ZNF778: variants seen among roughly 807,000 people sequenced by gnomAD.
The protein encoded by ZNF778 is zinc finger protein 778.
In ZNF778, 37 loss-of-function variants were observed where a neutral mutation model predicts 23.9. The observed-to-expected ratio is 1.54, with a 90% CI of 1.19 to 2.03. ZNF778 has a LOEUF of 2.03. Ranked by LOEUF, ZNF778 falls within the 30% of genes most tolerant of loss-of-function variation. ZNF778 has a pLI of 0.00. For synonymous variants in ZNF778, 483 were observed against 343.9 expected (o/e 1.40, Z -4.48); for missense variants, 1,297 against 934.4 (o/e 1.39, Z -5.06).
rs759389228 is a variant in ZNF778, at chr16:89,233,882, TCTC to T, written c.*5325_*5327del. 2 of 1,289,652 alleles carry T rather than the reference TCTC, an allele frequency of 1.6e-6. No individual in the cohort carries two copies. Among genetic ancestry groups the T allele is most frequent in the South Asian group, 1.2e-5 (1 of 81,042 alleles). The allele number at this position is 1,289,652 out of a possible 1,614,324, so 79.9% of individuals were successfully genotyped here. A position where few individuals can be genotyped will look rare whatever the true frequency, so the allele number is the denominator to read the frequency against. On this transcript the variant is annotated 3_prime_UTR_variant, in exon 7 of 7. Transcript: ENST00000433976. Reference sequence around the variant, plus strand: ...CTAACTACCACACCAAGCCAGTATTTCTCCTCCCTGAAGTCAGCCCAGGATGAG... The same window carrying T: ...CTAACTACCACACCAAGCCAGTATTTCTCCCTGAAGTCAGCCCAGGATGAG...
At position 89,236,534 on chromosome 16, in the gene ZNF778, A is replaced by C. The variant is rs1020074140; in HGVS notation, c.*7972A>C. The stretch of plus-strand genomic sequence containing the variant: ...TGGAACAAAGGAAAAGCAATAGAAG[A>C]GTAAATACCTGAGTAAATAGATCAG... On this transcript the variant is annotated 3_prime_UTR_variant, in exon 7 of 7. Coordinates refer to ENST00000433976, the MANE Select transcript of ZNF778 (RefSeq NM_001201407.2). 6.6e-6 allele frequency: 1 copy of C among 152,238 alleles called. No individual in the cohort carries two copies. Among genetic ancestry groups the C allele is most frequent in the Non-Finnish European group, 1.5e-5 (1 of 68,042 alleles). 9.4% of individuals were successfully genotyped at this position (152,238 alleles called of 1,614,324 possible). A position where few individuals can be genotyped will look rare whatever the true frequency, so the allele number is the denominator to read the frequency against.
chr16:89,228,329 G>A lies in ZNF778; in HGVS notation c.2041G>A (p.Ala681Thr), dbSNP rs1395550700. 4.3e-6 allele frequency: 7 copies of A among 1,613,642 alleles called. No homozygotes were observed. In the African/African-American group the frequency reaches 8.0e-5, roughly 18 times the overall value. ...TTACATATGTAACGAGTGTGGGAAA[G>A]CCTTCCGTGCCTCCTCTCACCTGCA... is the stretch of plus-strand genomic sequence containing the variant. ...KPYICNECGK[A>T]FRASSHLHKH... Residue 681 changes from alanine (A) to threonine (T), a missense_variant, in exon 7 of 7, where the codon GCC becomes ACC. Coordinates refer to ENST00000433976, the MANE Select transcript of ZNF778 (RefSeq NM_001201407.2).
rs531492686 is a variant in ZNF778 at position 89,232,608 on chromosome 16, G to A, written c.*4046G>A. ...AATGTCTGAGGGTTCCTCAGAGTAA[G>A]ATAAAATATTAAAGGACCAATTGTA... is the stretch of plus-strand genomic sequence containing the variant. On this transcript the variant is annotated 3_prime_UTR_variant, in exon 7 of 7. Coordinates refer to ENST00000433976, the MANE Select transcript of ZNF778 (RefSeq NM_001201407.2). The A allele has an allele frequency of 2.5e-5, 30 of 1,193,196 alleles. No individual in the cohort carries two copies. The African/African-American group carries it at 4.2e-4, about 17-fold the overall frequency. The allele number at this position is 1,193,196 out of a possible 1,614,324, so 73.9% of individuals were successfully genotyped here.
At chr16:89,221,856 CTG>C (rs371607531) in intron 2 of ZNF778, among the ~76,000 whole-genome samples, 33 of 139,090 alleles carry the variant, frequency 2.4e-4, no homozygotes, top group East Asian at 4.3e-4. Context: ...AAGTGTATGG[CTG>C]TGTGTGTGTG....
chr16:89,227,133 T>A lies in ZNF778; in HGVS notation c.845T>A (p.Val282Glu). 1.2e-6 allele frequency: 2 copies of A among 1,614,014 alleles called. No homozygotes were observed. Among genetic ancestry groups the A allele is most frequent in the Non-Finnish European group, 1.7e-6 (2 of 1,179,906 alleles). Residue 282 changes from valine to glutamate, a missense_variant, in exon 7 of 7, where the codon GTA (valine) becomes GAA (glutamate). By Grantham distance (121) the Val-to-Glu change is moderately radical (BLOSUM62 -2). Coordinates refer to ENST00000433976, the MANE Select transcript of ZNF778 (RefSeq NM_001201407.2). Reference protein sequence around the residue: ...VEMHAVRNPHVCRECGKAFRY... With the variant: ...VEMHAVRNPHECRECGKAFRY... ...ATGCATGCCGTCAGGAATCCCCACG[T>A]ATGTAGGGAATGTGGGAAGGCCTTT...
intron 1 of ZNF778, chr16:89,218,210 C>T (rs2030546472): frequency 6.6e-6 from 1 of 152,198 alleles, no homozygotes; most frequent in South Asian, 2.1e-4. Context: ...TGTGTTTCGA[C>T]TAACTGTATT....
At position 89,228,226 on chromosome 16, in the gene ZNF778, A is replaced by G. The variant is rs1305764922; in HGVS notation, c.1938A>G (p.Ile646Met). The G allele has an allele frequency of 3.1e-6, 5 of 1,614,072 alleles. No individual in the cohort carries two copies. Among genetic ancestry groups the G allele is most frequent in the South Asian group, 1.1e-5 (1 of 91,088 alleles). ...CCCACACCGGTGAGAAACCCTACAT[A>G]TGTAAGGAGTGTGGGAAAGCCTTTG... is the stretch of plus-strand genomic sequence containing the variant. ...IRTHTGEKPY[I>M]CKECGKAFAS... is the part of the protein sequence containing the mutation. Residue 646 changes from isoleucine (I) to methionine (M), a missense_variant, in exon 7 of 7, where the codon ATA becomes ATG. Ile to Met is a conservative substitution (Grantham distance 10). Coordinates refer to ENST00000433976, the MANE Select transcript of ZNF778 (RefSeq NM_001201407.2).
At position 89,222,101 on chromosome 16, in the gene ZNF778, T is replaced by A. The variant is rs1277729544; in HGVS notation, c.35T>A (p.Val12Asp). Residue 12 changes from valine (V) to aspartate (D), a missense_variant, in exon 3 of 7, where the codon GTT becomes GAT. Transcript: ENST00000433976. ...CTTCTTTGTTTTTTAGGAGGTCATG[T>A]TTCTAGGGACTCAGTCTGCCTTCAT... Reference protein sequence around the residue: ...AAPDLAHGGHVSRDSVCLHEE... With the variant: ...AAPDLAHGGHDSRDSVCLHEE... The A allele has an allele frequency of 1.3e-6, 2 of 1,597,360 alleles. No individual in the cohort carries two copies.
rs1001904478 is a variant in ZNF778, at chr16:89,221,041, G to A, written c.-87G>A. On this transcript the variant is annotated 5_prime_UTR_variant, in exon 2 of 7. Coordinates refer to ENST00000433976, the MANE Select transcript of ZNF778 (RefSeq NM_001201407.2). The stretch of plus-strand genomic sequence containing the variant: ...CCGTGGGTCAGGAGGAATGGAGACT[G>A]TACCTTCCACATAGATTCACAAGCT... 1 of 1,471,020 alleles carries A rather than the reference G, an allele frequency of 6.8e-7. No homozygotes were observed. Among genetic ancestry groups the A allele is most frequent in the Non-Finnish European group, 9.3e-7 (1 of 1,075,960 alleles). The allele number at this position is 1,471,020 out of a possible 1,614,324, so 91.1% of individuals were successfully genotyped here. A position where few individuals can be genotyped will look rare whatever the true frequency, so the allele number is the denominator to read the frequency against.
chr16:89,222,945 G>A (rs1000549005), intron 3 of ZNF778, among the ~76,000 whole-genome samples: 3 of 121,456 alleles, frequency 2.5e-5, no homozygotes, highest in African/African-American at 5.4e-5. Flanking sequence ...GACAGGGCAC[G>A]CGTGACTGGA....
Position 89,229,272 on chromosome 16 carries a change from G to A in ZNF778, c.*710G>A, listed in dbSNP as rs998236749. On this transcript the variant is annotated 3_prime_UTR_variant, in exon 7 of 7. Transcript: ENST00000433976. ...GATTCTTTGAGCAGCGTAGGCTCTG[G>A]TTGGTTAGTCTTGAGGATCCAGATG... is the stretch of plus-strand genomic sequence containing the variant. 9.1e-6 allele frequency: 9 copies of A among 985,280 alleles called. No homozygotes were observed. The highest frequency in any genetic ancestry group is 1.1e-5 in the Non-Finnish European group (9 of 830,050). 61.0% of individuals were successfully genotyped at this position (985,280 alleles called of 1,614,324 possible).
rs1422219556 is a variant in ZNF778, at chr16:89,229,174, G to A, written c.*612G>A. 1.0e-6 allele frequency: 1 copy of A among 985,892 alleles called. No homozygotes were observed. The highest frequency in any genetic ancestry group is 1.1e-4 in the East Asian group (1 of 8,842). 61.1% of individuals were successfully genotyped at this position (985,892 alleles called of 1,614,324 possible). On this transcript the variant is annotated 3_prime_UTR_variant, in exon 7 of 7. Coordinates refer to ENST00000433976, the MANE Select transcript of ZNF778 (RefSeq NM_001201407.2). Reference sequence around the variant, plus strand: ...CACGTCGCAGCCTGGCTAACAGTAGGCCTTGAGGACTCAGATGTGATCCTG... The same window carrying A: ...CACGTCGCAGCCTGGCTAACAGTAGACCTTGAGGACTCAGATGTGATCCTG...
At chr16:89,219,320 G>A (rs1323537257) in intron 1 of ZNF778, among the ~76,000 whole-genome samples, 1 of 152,130 alleles carries the variant, frequency 6.6e-6, no homozygotes, top group Non-Finnish European at 1.5e-5. Context: ...TTGTTTTCTC[G>A]TGATACGTTT....
In ZNF778 at chr16:89,231,881, TACTA is replaced by T. The variant is rs771206834; in HGVS notation, c.*3323_*3326del. 1 of 152,324 alleles carries T rather than the reference TACTA, an allele frequency of 6.6e-6. No homozygotes were observed. Among genetic ancestry groups the T allele is most frequent in the Non-Finnish European group, 1.5e-5 (1 of 68,114 alleles). 9.4% of individuals were successfully genotyped at this position (152,324 alleles called of 1,614,324 possible). A position where few individuals can be genotyped will look rare whatever the true frequency, so the allele number is the denominator to read the frequency against. ...TCACACAGAGCCTCTTCTTTACACA[TACTA>T]ACTGTTTGCTTCATACCCTCCTGCA... On this transcript the variant is annotated 3_prime_UTR_variant, in exon 7 of 7. Coordinates refer to ENST00000433976, the MANE Select transcript of ZNF778 (RefSeq NM_001201407.2).
Position 89,226,676 on chromosome 16 carries a change from C to G in ZNF778, c.406-18C>G, listed in dbSNP as rs765063528. 5.6e-6 allele frequency: 9 copies of G among 1,596,536 alleles called. No homozygotes were observed. Among genetic ancestry groups the G allele is most frequent in the Non-Finnish European group, 7.7e-6 (9 of 1,169,344 alleles). ...AGCCTCAGTAACCCCCTGACCACCA[C>G]TCATTCTTCACCAACAGGCAAGAAG... On this transcript the variant is annotated intron_variant, in intron 6 of 6. Transcript: ENST00000433976.
At position 89,225,610 on chromosome 16, in the gene ZNF778, A is replaced by G. The variant is rs867983431; in HGVS notation, c.384A>G (p.Arg128=). The G allele has an allele frequency of 1.2e-6, 2 of 1,612,966 alleles. No individual in the cohort carries two copies. Among genetic ancestry groups the G allele is most frequent in the East Asian group, 4.5e-5 (2 of 44,848 alleles). The change falls in exon 6 of 7, where the codon AGA becomes AGG. Residue 128 remains arginine, a synonymous_variant. Transcript: ENST00000433976. ...PALRQDRSWF[R]ASNETQTARS... ...TTCGGCAGGATAGATCTTGGTTCAG[A>G]GCATCAAATGAGACACAGACGGTAA...
intron 3 of ZNF778, 70 bp from the exon 4 acceptor site, chr16:89,223,087 G>A (rs2031124783): frequency 7.1e-6 from 11 of 1,556,728 alleles, no homozygotes; most frequent in Admixed American, 3.9e-5. Flanking sequence ...GTAGGGCCCC[G>A]CCTCCTCATT....
In ZNF778 at chr16:89,227,282, G is replaced by A; in HGVS notation, c.994G>A (p.Ala332Thr). ...SSLTQHVRIH[A>T]AEKPCECKEC... ...CCTAACTCAACATGTAAGAATTCAT[G>A]CTGCAGAGAAACCCTGTGAATGTAA... Residue 332 changes from alanine (A) to threonine (T), a missense_variant, in exon 7 of 7, where the codon GCT becomes ACT. By Grantham distance (58) the Ala-to-Thr change is moderately conservative (BLOSUM62 0). Coordinates refer to ENST00000433976, the MANE Select transcript of ZNF778 (RefSeq NM_001201407.2). The A allele has an allele frequency of 6.2e-7, 1 of 1,613,972 alleles. No individual in the cohort carries two copies. The highest frequency in any genetic ancestry group is 8.5e-7 in the Non-Finnish European group (1 of 1,179,876).
At position 89,227,505 on chromosome 16, in the gene ZNF778, C is replaced by T. The variant is rs745710031; in HGVS notation, c.1217C>T (p.Ser406Leu). 5 of 1,613,870 alleles carry T rather than the reference C, an allele frequency of 3.1e-6. No individual in the cohort carries two copies. In the South Asian group the frequency reaches 4.4e-5, roughly 14 times the overall value. Residue 406 changes from serine (S) to leucine (L), a missense_variant, in exon 7 of 7, where the codon TCA becomes TTA. Physicochemically the swap from Ser to Leu is moderately radical, Grantham distance 145. Coordinates refer to ENST00000433976, the MANE Select transcript of ZNF778 (RefSeq NM_001201407.2). ...VVCGKYFRNS[S>L]CLNNHVRIHT... ...TGCGGAAAATATTTTAGAAATTCCT[C>T]ATGCCTTAATAATCATGTTCGAATT...
Sources: allele counts gnomAD v4.1 joint callset (sites outside exome capture counted in the v4.1 genomes callset), GRCh38; gene constraint gnomAD v4.1.1; transcripts MANE v1.5; gene names NCBI Gene and HGNC (gene_info 2026-07-23, HGNC 2026-07-21).